The following LENG8 variants were observed in gnomAD, a reference collection of about 807,000 sequenced individuals.
LENG8 encodes the protein leukocyte receptor cluster member 8.
LENG8 carries 28 observed loss-of-function variants against 102.1 expected under a neutral mutation model. The observed-to-expected ratio is 0.27, with a 90% CI of 0.20 to 0.38. LENG8 has a LOEUF of 0.38. Among genes scored for constraint, LENG8 ranks in the 10% least tolerant of loss-of-function variants. The pLI is 1.00. For synonymous variants in LENG8, 531 were observed against 456.7 expected (o/e 1.16, Z -2.07); for missense variants, 1,022 against 1,113.9 (o/e 0.92, Z 1.17).
rs943722804 is a variant in LENG8, at chr19:54,461,437, G to T, written c.*509G>T. The T allele has an allele frequency of 6.5e-6, 3 of 460,118 alleles. No individual in the cohort carries two copies. The East Asian group carries it at 2.1e-4, about 32-fold the overall frequency. The allele number at this position is 460,118 out of a possible 1,614,324, so 28.5% of individuals were successfully genotyped here. On this transcript the variant is annotated 3_prime_UTR_variant, in exon 16 of 16. Coordinates refer to ENST00000326764, the MANE Select transcript of LENG8 (RefSeq NM_052925.4). Reference sequence around the variant, plus strand: ...AGCCCCTTGGGGCCTCCGTGTTTGGGGTGGGGGAGCTGCTTAGAGACTGTG... The same window carrying T: ...AGCCCCTTGGGGCCTCCGTGTTTGGTGTGGGGGAGCTGCTTAGAGACTGTG...
intron 1 of LENG8, among the ~76,000 whole-genome samples, chr19:54,450,262 C>T (rs2083895782): frequency 6.6e-6 from 1 of 152,160 alleles, no homozygotes; most frequent in Admixed American, 6.5e-5. Context: ...CAGGGGTAGT[C>T]CCACTGAGGA....
Position 54,456,855 on chromosome 19 carries a change from T to G in LENG8, c.1665T>G (p.Pro555=), listed in dbSNP as rs527578921. The change falls in exon 11 of 16, where the codon CCT becomes CCG. Residue 555 remains proline, a synonymous_variant. Coordinates refer to ENST00000326764, the MANE Select transcript of LENG8 (RefSeq NM_052925.4). ...AGCTGCAGATCGTGGGCACCTGCCC[T>G]GACATCACCAAGCACTACCTGCGCC... ...WQELQIVGTC[P]DITKHYLRLT... 1 of 1,611,176 alleles carries G rather than the reference T, an allele frequency of 6.2e-7. No individual in the cohort carries two copies. The highest frequency in any genetic ancestry group is 2.2e-5 in the East Asian group (1 of 44,860).
At position 54,454,469 on chromosome 19, in the gene LENG8, G is replaced by C; in HGVS notation, c.466G>C (p.Ala156Pro). ...PGMDESMSYQ[A>P]PPQQLPSAQP... ...CATGGATGAGAGCATGTCCTACCAG[G>C]CTCCCCCTCAGCAGCTGCCGTCGGC... Residue 156 changes from alanine to proline, a missense_variant, in exon 6 of 16, where the codon GCT (alanine) becomes CCT (proline). Physicochemically the swap from Ala to Pro is conservative, Grantham distance 27. Transcript: ENST00000326764. 6.2e-7 allele frequency: 1 copy of C among 1,613,280 alleles called. No homozygotes were observed. The highest frequency in any genetic ancestry group is 1.1e-5 in the South Asian group (1 of 90,980).
Position 54,456,009 on chromosome 19 carries a change from G to C in LENG8, c.1068G>C (p.Arg356=), listed in dbSNP as rs762925334. 1.2e-6 allele frequency: 2 copies of C among 1,613,250 alleles called. No homozygotes were observed. Among genetic ancestry groups the C allele is most frequent in the South Asian group, 2.2e-5 (2 of 91,064 alleles). The part of the protein sequence containing the change: ...EPVAESPKKK[R]WEAASSLHPP... ...TGGCTGAGAGCCCTAAGAAGAAGCG[G>C]TGGGAGGCCGCTAGCAGCCTTCACC... is the stretch of plus-strand genomic sequence containing the variant. Residue 356 remains arginine (R), a synonymous_variant, in exon 9 of 16, where the codon CGG becomes CGC. Coordinates refer to ENST00000326764, the MANE Select transcript of LENG8 (RefSeq NM_052925.4).
chr19:54,461,263 A>G lies in LENG8; in HGVS notation c.*335A>G. 1 of 503,608 alleles carries G rather than the reference A, an allele frequency of 2.0e-6. No homozygotes were observed. The highest frequency in any genetic ancestry group is 3.8e-6 in the Non-Finnish European group (1 of 259,952). The allele number at this position is 503,608 out of a possible 1,614,324, so 31.2% of individuals were successfully genotyped here. On this transcript the variant is annotated 3_prime_UTR_variant, in exon 16 of 16. Coordinates refer to ENST00000326764, the MANE Select transcript of LENG8 (RefSeq NM_052925.4). ...CTCTCTTTCGAGCTTGCACTCCGGT[A>G]CCCGACCCGGCGCCCTGGCCCATCC... is the stretch of plus-strand genomic sequence containing the variant.
chr19:54,455,419 A>G lies in LENG8; in HGVS notation c.877A>G (p.Met293Val). The G allele has an allele frequency of 6.2e-7, 1 of 1,614,190 alleles. No homozygotes were observed. The highest frequency in any genetic ancestry group is 8.5e-7 in the Non-Finnish European group (1 of 1,180,040). The stretch of plus-strand genomic sequence containing the variant: ...GAAGCCGGATGACTGGCCCCAGGAC[A>G]TGAAAGAGTATGTGGAGCGCTGCTT... The part of the protein sequence containing the change: ...SGKPDDWPQD[M>V]KEYVERCFTA... Residue 293 changes from methionine (M) to valine (V), a missense_variant, in exon 8 of 16, where the codon ATG becomes GTG. By Grantham distance (21) the Met-to-Val change is conservative. Transcript: ENST00000326764.
intron 2 of LENG8, 124 bp downstream of exon 2, chr19:54,451,506 G>C: frequency 1.0e-6 from 1 of 988,518 alleles, no homozygotes; most frequent in Non-Finnish European, 1.6e-6. Context: ...CCTGTGGGTG[G>C]GGGTGGTGGT....
At chr19:54,452,606 T>A in intron 3 of LENG8, 45 bp from the exon 4 acceptor site, 2 of 1,495,594 alleles carry the variant, frequency 1.3e-6, no homozygotes, top group African/African-American at 2.9e-5. Flanking sequence ...GCCGTGTGCC[T>A]GTGGATTTGG....
At position 54,458,366 on chromosome 19, in the gene LENG8, C is replaced by T. The variant is rs1168732440; in HGVS notation, c.2085C>T (p.Cys695=). The change falls in exon 15 of 16, where the codon TGC becomes TGT. Residue 695 remains cysteine, a synonymous_variant. Transcript: ENST00000326764. ...YLTRELKADP[C]VAHALALRTA... ...CACGAGAACTGAAGGCAGATCCTTG[C>T]GTGGCCCACGCCTTGGCATTAAGGA... The T allele has an allele frequency of 9.3e-6, 15 of 1,614,174 alleles. No homozygotes were observed. The highest frequency in any genetic ancestry group is 6.6e-5 in the South Asian group (6 of 91,092).
Position 54,457,789 on chromosome 19 carries a change from G to A in LENG8, c.1774G>A (p.Glu592Lys), listed in dbSNP as rs758302509. Residue 592 changes from glutamate (E) to lysine (K), a missense_variant, in exon 12 of 16, where the codon GAG (glutamate) becomes AAG (lysine). Glu to Lys is a moderately conservative substitution (Grantham distance 56). Coordinates refer to ENST00000326764, the MANE Select transcript of LENG8 (RefSeq NM_052925.4). ...SLCMVKCHWK[E>K]KQDYAFACEQ... is the part of the protein sequence containing the mutation. ...GTGCATGGTCAAGTGCCACTGGAAA[G>A]AGAAGCAGGACTACGCGTTTGCCTG... 3.1e-6 allele frequency: 5 copies of A among 1,614,234 alleles called. No individual in the cohort carries two copies. Among genetic ancestry groups the A allele is most frequent in the East Asian group, 2.2e-5 (1 of 44,886 alleles).
At chr19:54,449,915 G>C (rs577604432) in intron 1 of LENG8, among the ~76,000 whole-genome samples, 1 of 152,292 alleles carries the variant, frequency 6.6e-6, no homozygotes, top group Admixed American at 6.5e-5. Flanking sequence ...CCCACGCCCT[G>C]TGTCCTGTTT....
At chr19:54,459,288 A>C in intron 15 of LENG8, 1 of 1,016,336 alleles carries the variant, frequency 9.8e-7, no homozygotes, top group South Asian at 4.2e-5. Flanking sequence ...AGTCTTGCCA[A>C]GGTGGAGAAA....
At chr19:54,451,551 G>T (rs913317090) in intron 2 of LENG8, among the ~76,000 whole-genome samples, 169 bp downstream of exon 2, 1 of 152,208 alleles carries the variant, frequency 6.6e-6, no homozygotes, top group Non-Finnish European at 1.5e-5. Context: ...TGGTTGTGGT[G>T]TGGAGAGGGG....
At chr19:54,460,719 G>GGGCGCC in intron 15 of LENG8, 47 bp from the exon 16 acceptor site, 17 of 778,894 alleles carry the variant, frequency 2.2e-5, no homozygotes, top group Non-Finnish European at 3.0e-5. Context: ...GCCCTCCCCT[G>GGGCGCC]CCCTCCCGCC....
intron 1 of LENG8, among the ~76,000 whole-genome samples, chr19:54,449,965 C>T (rs1372794503): frequency 6.6e-6 from 1 of 152,208 alleles, no homozygotes; most frequent in Non-Finnish European, 1.5e-5. Flanking sequence ...TCCCCAGCTC[C>T]AGACTCCCGT....
chr19:54,457,433 C>T lies in LENG8; in HGVS notation c.1732-314C>T, dbSNP rs914936620. ...TTGGCTCACCGCAGCCTCCGCTCCC[C>T]GGCTTCAAGCGATTCTCCTGCCTCA... On this transcript the variant is annotated intron_variant, in intron 11 of 15. Transcript: ENST00000326764. 1.6e-4 allele frequency among the ~76,000 whole-genome samples: 24 copies of T among 152,284 alleles called. No homozygotes were observed. The East Asian group carries it at 1.9e-3, about 12-fold the overall frequency.
At chr19:54,455,649 TC>T in intron 8 of LENG8, 82 bp downstream of exon 8, 1 of 1,269,630 alleles carries the variant, frequency 7.9e-7, no homozygotes, top group Non-Finnish European at 1.1e-6. Flanking sequence ...GAGTTGCGGG[TC>T]CCAGGTACCA....
intron 10 of LENG8, 21 bp downstream of exon 10, chr19:54,456,486 GAC>G: frequency 6.3e-6 from 10 of 1,590,892 alleles, no homozygotes; most frequent in South Asian, 1.1e-5. Flanking sequence ...GTGAGGGCTC[GAC>G]ACACGGGCCA....
At chr19:54,450,780 C>G (rs1470741704) in intron 1 of LENG8, among the ~76,000 whole-genome samples, 3 of 152,126 alleles carry the variant, frequency 2.0e-5, no homozygotes, top group Non-Finnish European at 4.4e-5. Flanking sequence ...GCCACCATGC[C>G]CAGCTAATTT....
Sources: allele counts gnomAD v4.1 joint callset (sites outside exome capture counted in the v4.1 genomes callset), GRCh38; gene constraint gnomAD v4.1.1; transcripts MANE v1.5; gene names NCBI Gene and HGNC (gene_info 2026-07-23, HGNC 2026-07-21).